DCP1A: variants seen among roughly 807,000 people sequenced by gnomAD.
The protein encoded by DCP1A is decapping mRNA 1A.
In DCP1A, 20 loss-of-function variants were observed where a neutral mutation model predicts 58.0. That is an observed-to-expected ratio of 0.34 (90% CI 0.24 to 0.50). DCP1A has a LOEUF of 0.50. Among genes scored for constraint, DCP1A ranks in the 20% least tolerant of loss-of-function variants. The pLI is 0.98. For missense variants in DCP1A, 613 were observed against 712.2 expected (o/e 0.86, Z 1.59); for synonymous variants, 285 against 275.1 (o/e 1.04, Z -0.36).
Position 53,292,291 on chromosome 3 carries a change from T to C in DCP1A, c.1161A>G (p.Thr387=), listed in dbSNP as rs782696606. The C allele has an allele frequency of 1.2e-6, 2 of 1,613,876 alleles. No homozygotes were observed. The highest frequency in any genetic ancestry group is 1.7e-6 in the Non-Finnish European group (2 of 1,179,806). The change falls in exon 7 of 10, where the codon ACA becomes ACG. Residue 387 remains threonine (T), a synonymous_variant. Coordinates refer to ENST00000610213, the MANE Select transcript of DCP1A (RefSeq NM_018403.7). The part of the protein sequence containing the change: ...APLNVTNTAG[T]SLPSVDLLQK... ...GGAGAAGATCAACGCTTGGGAGGGA[T>C]GTGCCAGCTGTGTTCGTCACGTTCA...
At chr3:53,319,757 A>C (rs1255128601) in intron 3 of DCP1A, among the ~76,000 whole-genome samples, 1 of 152,240 alleles carries the variant, frequency 6.6e-6, no homozygotes, top group Non-Finnish European at 1.5e-5. Context: ...ACCATTATTT[A>C]TGTACTATCA....
intron 1 of DCP1A, among the ~76,000 whole-genome samples, chr3:53,346,062 A>G (rs1339472416): frequency 6.6e-6 from 1 of 152,208 alleles, no homozygotes; most frequent in Non-Finnish European, 1.5e-5. Context: ...ATTTTAAAAT[A>G]TTGAAAGCCT....
chr3:53,325,902 C>G (rs1329451282), intron 3 of DCP1A, among the ~76,000 whole-genome samples: 1 of 152,184 alleles, frequency 6.6e-6, no homozygotes. Flanking sequence ...CCGCAAGAAA[C>G]TCTGGAAAAT....
chr3:53,341,683 GT>G lies in DCP1A; in HGVS notation c.304+460del, dbSNP rs554107563. Among the ~76,000 whole-genome samples, 186 of 152,218 alleles carry G rather than the reference GT, an allele frequency of 1.2e-3. 2 individuals are homozygous for G. The highest frequency in any genetic ancestry group is 3.9e-3 in the African/African-American group (161 of 41,544). On this transcript the variant is annotated intron_variant, in intron 3 of 9. Transcript: ENST00000610213. ...TAAACTAAATTATATACAAAAGAATGTTTCCAGTTTCAGAGCCCAGTTTATT... is the reference window on the plus strand; with the variant it reads ...TAAACTAAATTATATACAAAAGAATGTTCCAGTTTCAGAGCCCAGTTTATT...
chr3:53,341,380 G>C (rs782639652), intron 3 of DCP1A, among the ~76,000 whole-genome samples: 1 of 152,100 alleles, frequency 6.6e-6, no homozygotes, highest in East Asian at 1.9e-4. Flanking sequence ...GCATGAATCC[G>C]GGAGGCAGAG....
At chr3:53,338,649 C>T (rs1366020118) in intron 3 of DCP1A, among the ~76,000 whole-genome samples, 1 of 152,058 alleles carries the variant, frequency 6.6e-6, no homozygotes, top group African/African-American at 2.4e-5. Context: ...ATCACGAGGT[C>T]AGGAGATCGA....
intron 9 of DCP1A, among the ~76,000 whole-genome samples, 178 bp downstream of exon 9, chr3:53,287,887 G>GT (rs574675025): frequency 5.4e-4 from 79 of 145,340 alleles, no homozygotes; most frequent in South Asian, 4.9e-3. Flanking sequence ...GTCTGTTTTT[G>GT]TTTTTTTTTT....
At chr3:53,336,908 T>C (rs1407866550) in intron 3 of DCP1A, among the ~76,000 whole-genome samples, 1 of 151,890 alleles carries the variant, frequency 6.6e-6, no homozygotes, top group Admixed American at 6.6e-5. Flanking sequence ...TCTTGCTCTG[T>C]CTCCCAGGCT....
intron 6 of DCP1A, among the ~76,000 whole-genome samples, chr3:53,303,182 C>A (rs1201053363): frequency 2.0e-5 from 3 of 152,166 alleles, no homozygotes; most frequent in African/African-American, 7.2e-5. Flanking sequence ...AACTCCTGGG[C>A]TCAAGTGATC....
intron 5 of DCP1A, among the ~76,000 whole-genome samples, chr3:53,311,246 G>C (rs562815268): frequency 2.1e-4 from 32 of 152,316 alleles, no homozygotes; most frequent in Non-Finnish European, 3.4e-4. Flanking sequence ...TGAAGTTCTG[G>C]TGAGGTGAAA....
chr3:53,308,828 T>C (rs1405569682), intron 5 of DCP1A, among the ~76,000 whole-genome samples: 1 of 152,120 alleles, frequency 6.6e-6, no homozygotes, highest in Non-Finnish European at 1.5e-5. Flanking sequence ...CTGAAACTCG[T>C]GGATTCAAGC....
chr3:53,304,141 T>C (rs782797631), intron 6 of DCP1A, 36 bp downstream of exon 6: 3 of 1,479,020 alleles, frequency 2.0e-6, no homozygotes, highest in Admixed American at 3.6e-5. Context: ...TACTCTTTGT[T>C]ACTTAGGACA....
chr3:53,328,516 C>T (rs1449308247), intron 3 of DCP1A, among the ~76,000 whole-genome samples: 1 of 150,740 alleles, frequency 6.6e-6, no homozygotes, highest in Non-Finnish European at 1.5e-5. Context: ...TTAGATAACA[C>T]CACAATAAAA....
At chr3:53,318,523 C>G (rs150717546) in intron 4 of DCP1A, among the ~76,000 whole-genome samples, 2 of 151,902 alleles carry the variant, frequency 1.3e-5, no homozygotes, top group African/African-American at 4.8e-5. Flanking sequence ...CAGAATATAC[C>G]GTCTACCTAT....
intron 5 of DCP1A, among the ~76,000 whole-genome samples, chr3:53,304,834 C>T (rs1413108586): frequency 6.6e-6 from 1 of 152,024 alleles, no homozygotes; most frequent in African/African-American, 2.4e-5. Context: ...CCATCCACCT[C>T]GGCCTCCCAA....
intron 3 of DCP1A, among the ~76,000 whole-genome samples, chr3:53,336,568 A>T (rs1553691953): frequency 6.6e-6 from 1 of 152,132 alleles, no homozygotes; most frequent in East Asian, 1.9e-4. Flanking sequence ...ACTGCAAAGT[A>T]TTTCCTTGTA....
At chr3:53,325,673 G>A (rs1416227164) in intron 3 of DCP1A, among the ~76,000 whole-genome samples, 2 of 152,160 alleles carry the variant, frequency 1.3e-5, no homozygotes, top group Non-Finnish European at 2.9e-5. Flanking sequence ...AAATACCTCT[G>A]CCTCAGCAGA....
chr3:53,344,899 T>G lies in DCP1A; in HGVS notation c.176+3A>C, dbSNP rs1559710675. ...AACAAATATACATATTTTAAAAACT[T>G]ACCTTCGATATACGAATAAGGTCCC... On this transcript the variant is annotated splice_donor_region_variant and intron_variant, in intron 2 of 9. Coordinates refer to ENST00000610213, the MANE Select transcript of DCP1A (RefSeq NM_018403.7). 2 of 1,591,826 alleles carry G rather than the reference T, an allele frequency of 1.3e-6. 1 individual carries two copies. The highest frequency in any genetic ancestry group is 1.7e-6 in the Non-Finnish European group (2 of 1,163,450).
intron 8 of DCP1A, among the ~76,000 whole-genome samples, chr3:53,288,767 T>C (rs1706742883): frequency 1.3e-5 from 2 of 152,252 alleles, no homozygotes; most frequent in African/African-American, 4.8e-5. Flanking sequence ...CTGGGCGCAG[T>C]GGTTCATGCC....
Sources: allele counts gnomAD v4.1 joint callset (sites outside exome capture counted in the v4.1 genomes callset), GRCh38; gene constraint gnomAD v4.1.1; transcripts MANE v1.5; gene names NCBI Gene and HGNC (gene_info 2026-07-23, HGNC 2026-07-21).